The following KHNYN variants were observed in gnomAD, a reference collection of about 807,000 sequenced individuals.
KHNYN encodes the protein protein KHNYN.
A neutral mutation model predicts 62.7 loss-of-function variants in KHNYN; 42 were observed. That is an observed-to-expected ratio of 0.67 (90% CI 0.52 to 0.87). KHNYN has a LOEUF of 0.87. KHNYN is among the 40% of genes least tolerant of loss of function. The pLI is 0.00. For missense variants in KHNYN, 829 were observed against 874.1 expected (o/e 0.95, Z 0.65); for synonymous variants, 347 against 345.6 (o/e 1.00, Z -0.04).
At chr14:24,425,738 AT>A (rs1192855422), upstream of KHNYN, among the ~76,000 whole-genome samples, 1 of 152,226 alleles carries the variant, frequency 6.6e-6, no homozygotes, top group African/African-American at 2.4e-5. Flanking sequence ...CAGAGGATCC[AT>A]TTTCTAGGAG....
chr14:24,440,034 A>C lies in KHNYN; in HGVS notation c.*2749A>C. 2.0e-6 allele frequency: 3 copies of C among 1,498,088 alleles called. No individual in the cohort carries two copies. Among genetic ancestry groups the C allele is most frequent in the Non-Finnish European group, 2.7e-6 (3 of 1,109,864 alleles). The allele number at this position is 1,498,088 out of a possible 1,614,324, so 92.8% of individuals were successfully genotyped here. ...GGAGCTGAGCCTATTCACAGTGCCT[A>C]ACCTGGAAGCCTGTGAGGAACAGGC... On this transcript the variant is annotated 3_prime_UTR_variant, in exon 8 of 8. Coordinates refer to ENST00000553935, the MANE Select transcript of KHNYN (RefSeq NM_015299.3).
In KHNYN at chr14:24,432,094, A is replaced by G; in HGVS notation, c.833A>G (p.Glu278Gly). The change falls in exon 3 of 8, where the codon GAA becomes GGA. Residue 278 changes from glutamate (E) to glycine (G), a missense_variant. Physicochemically the swap from Glu to Gly is moderately conservative, Grantham distance 98. Transcript: ENST00000553935. This position sits in a 1 kb window ranked among gnomAD's most constrained non-coding sequence, Gnocchi z 5.6. ...TGGGGGTGGAAGGAGTTGCCTGGGG[A>G]AGAGGCGTGGGAGAGAGAAGTGGCC... ...MDWGWKELPG[E>G]EAWEREVALR... 6.4e-7 allele frequency: 1 copy of G among 1,560,028 alleles called. No individual in the cohort carries two copies. Among genetic ancestry groups the G allele is most frequent in the Non-Finnish European group, 8.7e-7 (1 of 1,151,580 alleles).
At chr14:24,435,445 C>G (rs1385562160) in intron 5 of KHNYN, 2 of 152,736 alleles carry the variant, frequency 1.3e-5, no homozygotes, top group African/African-American at 4.8e-5. Flanking sequence ...TGGGGCAGGG[C>G]AGGGGAGACT....
At position 24,430,016 on chromosome 14, in the gene KHNYN, C is replaced by T; in HGVS notation, c.-121C>T. The T allele has an allele frequency of 1.0e-6, 1 of 985,780 alleles. No homozygotes were observed. Among genetic ancestry groups the T allele is most frequent in the Non-Finnish European group, 1.2e-6 (1 of 830,068 alleles). 61.1% of individuals were successfully genotyped at this position (985,780 alleles called of 1,614,324 possible). A position where few individuals can be genotyped will look rare whatever the true frequency, so the allele number is the denominator to read the frequency against. On this transcript the variant is annotated 5_prime_UTR_variant, in exon 1 of 8. Coordinates refer to ENST00000553935, the MANE Select transcript of KHNYN (RefSeq NM_015299.3). ...GGTGAGGAACCCGGGAAGGCCCGCC[C>T]AGATTCGGGCCCCCTGCCCTTGTCC...
chr14:24,431,038 ATCTCCACTTCTTGGTTG>A, intron 2 of KHNYN, 107 bp downstream of exon 2: 18 of 1,054,480 alleles, frequency 1.7e-5, no homozygotes, highest in Non-Finnish European at 2.3e-5. Flanking sequence ...CCTGGGGAGG[ATCTCCACTTCTTGGTTG>A]TCTCACTGGC....
At chr14:24,430,271 A>T in intron 1 of KHNYN, 152 bp downstream of exon 1, 1 of 722,522 alleles carries the variant, frequency 1.4e-6, no homozygotes, top group Non-Finnish European at 1.7e-6. Context: ...CCCGACGGAG[A>T]GGGGCAGCGG....
chr14:24,433,644 G>A (rs553261109), intron 5 of KHNYN, among the ~76,000 whole-genome samples: 1 of 152,250 alleles, frequency 6.6e-6, no homozygotes, highest in African/African-American at 2.4e-5. Context: ...GTGAATATAC[G>A]AAAAAGATAA....
Position 24,439,850 on chromosome 14 carries a change from TG to T in KHNYN, c.*2566del. 1 of 487,886 alleles carries T rather than the reference TG, an allele frequency of 2.0e-6. No homozygotes were observed. The highest frequency in any genetic ancestry group is 3.6e-6 in the Non-Finnish European group (1 of 275,298). The allele number at this position is 487,886 out of a possible 1,614,324, so 30.2% of individuals were successfully genotyped here. ...GGAGAAGTGGGGCAGCTGCAGGACA[TG>T]TAGAGAAACCAAACTGGGAAATCTT... On this transcript the variant is annotated 3_prime_UTR_variant, in exon 8 of 8. Coordinates refer to ENST00000553935, the MANE Select transcript of KHNYN (RefSeq NM_015299.3).
At chr14:24,428,756 T>C (rs2043051438), upstream of KHNYN, 1 of 1,580,920 alleles carries the variant, frequency 6.3e-7, no homozygotes, top group African/African-American at 1.3e-5. Context: ...GGGGATTACC[T>C]GGTCGAAGTA....
At chr14:24,429,352 C>G (rs2273632), upstream of KHNYN, 3 of 640,976 alleles carry the variant, frequency 4.7e-6, no homozygotes, top group Non-Finnish European at 8.6e-6. Flanking sequence ...AGCTTCAGGG[C>G]AGCCCTGCTG....
In KHNYN at chr14:24,430,768, G is replaced by T. The variant is rs749480852; in HGVS notation, c.38G>T (p.Arg13Leu). 6.3e-7 allele frequency: 1 copy of T among 1,591,540 alleles called. No homozygotes were observed. Among genetic ancestry groups the T allele is most frequent in the South Asian group, 1.1e-5 (1 of 87,854 alleles). ...GGGGCCCGCCCCGCGTCCCCAGATC[G>T]CTTTGCGGTGTCTGCGGAGGCTGAG... ...TWGARPASPD[R>L]FAVSAEAENK... Residue 13 changes from arginine to leucine, a missense_variant, in exon 2 of 8, where the codon CGC becomes CTC. Around this residue, in one of 2 missense-constraint regions of KHNYN, gnomAD observed 559 missense variants for 527.0 expected, o/e 1.06. Transcript: ENST00000553935.
At chr14:24,431,298 T>G (rs1353440453) in intron 2 of KHNYN, among the ~76,000 whole-genome samples, 165 bp from the exon 3 acceptor site, 1 of 152,194 alleles carries the variant, frequency 6.6e-6, no homozygotes, top group Non-Finnish European at 1.5e-5. Flanking sequence ...GGCTCAATCA[T>G]GTACCAGCTT....
At chr14:24,436,992 C>T (rs1434555295) in intron 7 of KHNYN, 44 bp from the exon 8 acceptor site, 2 of 1,581,380 alleles carry the variant, frequency 1.3e-6, no homozygotes, top group South Asian at 1.1e-5. Context: ...TCTAATTTCC[C>T]CCCCAGGATG....
intron 5 of KHNYN, among the ~76,000 whole-genome samples, chr14:24,435,173 G>C (rs559157048): frequency 6.6e-6 from 1 of 152,330 alleles, no homozygotes; most frequent in South Asian, 2.1e-4. Flanking sequence ...CAAGTCTTGG[G>C]AAGTGCCTTC....
Position 24,432,713 on chromosome 14 carries a change from C to T in KHNYN, c.1350-9C>T, listed in dbSNP as rs761919359. On this transcript the variant is annotated splice_polypyrimidine_tract_variant and intron_variant, in intron 3 of 7. Coordinates refer to ENST00000553935, the MANE Select transcript of KHNYN (RefSeq NM_015299.3). This position sits in a 1 kb window ranked among gnomAD's most constrained non-coding sequence, Gnocchi z 5.6. ...AGCCCCTCCTCTGGCCGACCCCCTC[C>T]CACTACAGGCATGGCCTCCAGCACT... is the stretch of plus-strand genomic sequence containing the variant. The T allele has an allele frequency of 5.6e-6, 9 of 1,614,068 alleles. No individual in the cohort carries two copies. The East Asian group carries it at 1.8e-4, about 32-fold the overall frequency.
In KHNYN at chr14:24,432,322, C is replaced by T. The variant is rs1369254414; in HGVS notation, c.1061C>T (p.Pro354Leu). 2 of 1,614,066 alleles carry T rather than the reference C, an allele frequency of 1.2e-6. No homozygotes were observed. Among genetic ancestry groups the T allele is most frequent in the Non-Finnish European group, 1.7e-6 (2 of 1,179,996 alleles). ...CGGCTCCACAATGGGAATGCCTCTCCTCCGAGGGTGCCCAGCCCTCCACCT... is the reference window on the plus strand; with the variant it reads ...CGGCTCCACAATGGGAATGCCTCTCTTCCGAGGGTGCCCAGCCCTCCACCT... The part of the protein sequence containing the change: ...LQRLHNGNAS[P>L]PRVPSPPPAP... The change falls in exon 3 of 8, where the codon CCT becomes CTT. Residue 354 changes from proline (P) to leucine (L), a missense_variant. Transcript: ENST00000553935. This position sits in a 1 kb window ranked among gnomAD's most constrained non-coding sequence, Gnocchi z 5.6.
rs769544752 is a variant in KHNYN at position 24,441,730 on chromosome 14, T to C, written c.*4445T>C. 3 of 1,602,216 alleles carry C rather than the reference T, an allele frequency of 1.9e-6. No individual in the cohort carries two copies. The highest frequency in any genetic ancestry group is 2.7e-5 in the African/African-American group (2 of 74,198). On this transcript the variant is annotated 3_prime_UTR_variant, in exon 8 of 8. Transcript: ENST00000553935. Reference sequence around the variant, plus strand: ...GGGTTGTGGGGCTTTGGTGATGGCTTTAGCCAGCAATTGGGTGGTCTCTAG... The same window carrying C: ...GGGTTGTGGGGCTTTGGTGATGGCTCTAGCCAGCAATTGGGTGGTCTCTAG...
upstream of KHNYN, chr14:24,427,863 G>T: frequency 1.2e-6 from 2 of 1,614,094 alleles, no homozygotes; most frequent in Non-Finnish European, 1.7e-6. This position sits in a 1 kb window ranked among gnomAD's most constrained non-coding sequence, Gnocchi z 4.4. Flanking sequence ...CGACGCAGGC[G>T]CAGAGACACT....
upstream of KHNYN, chr14:24,429,861 G>A (rs562558014): frequency 5.6e-5 from 57 of 1,014,068 alleles, no homozygotes; most frequent in South Asian, 1.1e-3. Context: ...GCCCGTCGGG[G>A]CCTCTGGGCG....
Sources: gnomAD v4.1 joint callset for allele counts (sites outside exome capture counted in the v4.1 genomes callset) on GRCh38, gnomAD v4.1.1 for gene constraint, gnomAD v4.1.1 regional missense constraint, Gnocchi (gnomAD v3.1) non-coding constraint, MANE v1.5 for transcripts, NCBI Gene and HGNC (gene_info 2026-07-23, HGNC 2026-07-21) for gene names.